Variants in TG observed in about 807,000 individuals in gnomAD.
The protein encoded by TG is thyroglobulin, also known as thyroid hormones.
In TG, 270 loss-of-function variants were observed where a neutral mutation model predicts 324.7. The observed-to-expected ratio is 0.83, with a 90% confidence interval of 0.75 to 0.92. The LOEUF (loss-of-function observed/expected upper bound fraction) is 0.92, where lower values mean the gene tolerates loss of function less well. Among genes scored for constraint, TG ranks in the 40% least tolerant of loss-of-function variants. TG has a pLI of 0.00. For missense variants in TG, 3,591 were observed against 3,456.4 expected, an observed-to-expected ratio of 1.04 and a Z score of -0.98; for synonymous variants, 1,401 against 1,327.0, an observed-to-expected ratio of 1.06 and a Z score of -1.21.
intron 41 of TG, among the ~76,000 whole-genome samples, chr8:133,093,722 C>T (rs577791938): frequency 1.6e-4 from 24 of 152,274 alleles, no homozygotes; most frequent in South Asian, 8.3e-4. Context: ...CAGAGATCAT[C>T]GTAACAACAG....
chr8:132,981,509 G>A (rs1830840776), intron 34 of TG, among the ~76,000 whole-genome samples: 1 of 152,220 alleles, frequency 6.6e-6, no homozygotes, highest in Non-Finnish European at 1.5e-5. Flanking sequence ...TTTTAAACAA[G>A]TGACAACAGG....
At chr8:133,067,384 C>T (rs1284280391) in intron 41 of TG, among the ~76,000 whole-genome samples, 1 of 152,176 alleles carries the variant, frequency 6.6e-6, no homozygotes, top group East Asian at 1.9e-4. Context: ...GCAAGACCTA[C>T]AAGGGCAGGC....
At chr8:133,110,085 A>G (rs1850138540) in intron 43 of TG, among the ~76,000 whole-genome samples, 1 of 152,122 alleles carries the variant, frequency 6.6e-6, no homozygotes, top group Non-Finnish European at 1.5e-5. Flanking sequence ...TAAGATTTGA[A>G]GGCAGATTAT....
intron 25 of TG, among the ~76,000 whole-genome samples, chr8:132,940,524 A>C (rs1824297959): frequency 6.6e-6 from 1 of 152,240 alleles, no homozygotes; most frequent in Non-Finnish European, 1.5e-5. Flanking sequence ...ATGCTAGAAC[A>C]GTTTTTAAAA....
At chr8:133,021,954 C>A (rs1450440930) in intron 39 of TG, 37 bp from the exon 40 acceptor site, 2 of 1,613,734 alleles carry the variant, frequency 1.2e-6, no homozygotes, top group Non-Finnish European at 1.7e-6. Context: ...AGGTGCCCTC[C>A]CCACACTTTA....
chr8:132,991,381 C>T lies in TG; in HGVS notation c.6262+7969C>T, dbSNP rs558515866. ...ACTACTATAGGCACTGGGCTGATGG[C>T]GTGTTAAAGGCACACAGGACTGATT... On this transcript the variant is annotated intron_variant, in intron 35 of 47. Transcript: ENST00000220616. Among the ~76,000 whole-genome samples the T allele has an allele frequency of 3.8e-4, 58 of 152,244 alleles. 1 individual carries two copies. The highest frequency in any genetic ancestry group is 1.2e-4 in the African/African-American group (5 of 41,542).
chr8:133,106,452 C>A (rs1018821993), intron 43 of TG: 22 of 985,248 alleles, frequency 2.2e-5, no homozygotes, highest in Non-Finnish European at 2.5e-5. Flanking sequence ...TCTCCCAGGT[C>A]CCGCCTGAAG....
At chr8:132,886,389 G>A (rs1815425240) in intron 8 of TG, 59 bp from the exon 9 acceptor site, 1 of 1,610,726 alleles carries the variant, frequency 6.2e-7, no homozygotes, top group South Asian at 1.1e-5. Flanking sequence ...CTGAGGAGCT[G>A]TCTCAGGATT....
intron 27 of TG, among the ~76,000 whole-genome samples, chr8:132,959,198 C>A (rs972970671): frequency 3.3e-5 from 5 of 152,300 alleles, no homozygotes; most frequent in Middle Eastern, 3.4e-3. Context: ...AGACTTGTCA[C>A]TTTGAGAGCC....
At chr8:133,119,224 C>T (rs7834124) in intron 45 of TG, among the ~76,000 whole-genome samples, 5,377 of 152,182 alleles carry the variant, frequency 0.035, 308 homozygotes, top group African/African-American at 0.12. Flanking sequence ...CTCTCATTTC[C>T]CCGGAGCACC....
chr8:132,871,522 G>C lies in TG; in HGVS notation c.449G>C (p.Gly150Ala). 6.2e-7 allele frequency: 1 copy of C among 1,613,998 alleles called. No individual in the cohort carries two copies. Among genetic ancestry groups the C allele is most frequent in the Non-Finnish European group, 8.5e-7 (1 of 1,179,900 alleles). Reference protein sequence around the residue: ...CVDAEGMEVYGTRQLGRPKRC... With the variant: ...CVDAEGMEVYATRQLGRPKRC... ...GACGCAGAGGGGATGGAGGTGTATG[G>C]GACCCGCCAGCTGGGGAGGCCAAAG... The change falls in exon 4 of 48, where the codon GGG (glycine) becomes GCG (alanine). Residue 150 changes from glycine (G) to alanine (A), a missense_variant. By Grantham distance (60) the Gly-to-Ala change is moderately conservative (BLOSUM62 0). Transcript: ENST00000220616.
rs755397945 is a variant in TG at position 132,908,167 on chromosome 8, C to G, written c.3848-19C>G. ...CTACAGGCCCATTGCCTCTGCTGAT[C>G]TCTGGTGCTTGCCTGCAGGGCCCCA... On this transcript the variant is annotated intron_variant, in intron 17 of 47. Coordinates refer to ENST00000220616, the MANE Select transcript of TG (RefSeq NM_003235.5). 6.2e-7 allele frequency: 1 copy of G among 1,613,540 alleles called. No homozygotes were observed. The highest frequency in any genetic ancestry group is 8.5e-7 in the Non-Finnish European group (1 of 1,179,984).
chr8:132,924,392 A>G (rs1200989045), intron 22 of TG, among the ~76,000 whole-genome samples: 1 of 152,112 alleles, frequency 6.6e-6, no homozygotes, highest in African/African-American at 2.4e-5. Flanking sequence ...TCTGTTGTAG[A>G]AGACTTGTGT....
At chr8:133,106,783 A>G (rs150029193) in intron 43 of TG, among the ~76,000 whole-genome samples, 2 of 152,222 alleles carry the variant, frequency 1.3e-5, no homozygotes, top group Admixed American at 6.5e-5. Flanking sequence ...GATGTGCTGT[A>G]TATTGTCAGC....
chr8:132,912,432 A>G (rs1020270232), intron 19 of TG, among the ~76,000 whole-genome samples: 11 of 151,942 alleles, frequency 7.2e-5, no homozygotes, highest in African/African-American at 2.7e-4. Context: ...TACAGCCAAA[A>G]TGTTTGCTAT....
intron 21 of TG, among the ~76,000 whole-genome samples, chr8:132,922,346 G>A (rs750693145): frequency 1.1e-4 from 17 of 152,222 alleles, no homozygotes; most frequent in Non-Finnish European, 2.5e-4. Context: ...ATTTTGGACA[G>A]AAGCTTGTTT....
chr8:132,935,671 A>G, intron 24 of TG, 85 bp from the exon 25 acceptor site: 1 of 1,220,772 alleles, frequency 8.2e-7, no homozygotes, highest in Non-Finnish European at 1.2e-6. Flanking sequence ...CCTGGTGCCT[A>G]GCCATGGTTA....
At chr8:132,911,261 G>A (rs1819483490) in intron 18 of TG, 116 bp from the exon 19 acceptor site, 25 of 1,582,584 alleles carry the variant, frequency 1.6e-5, no homozygotes, top group Non-Finnish European at 2.2e-5. Context: ...CCTGAAGTAG[G>A]GTTGGTGGAG....
Position 133,011,911 on chromosome 8 carries a change from C to T in TG, c.6273C>T (p.Asp2091=). The change falls in exon 36 of 48, where the codon GAC becomes GAT. Residue 2091 remains aspartate (D), a synonymous_variant. Transcript: ENST00000220616. The part of the protein sequence containing the change: ...LPSLTEKVSL[D]SWQSLALSSV... The stretch of plus-strand genomic sequence containing the variant: ...TGCCTTCTCTCCTAGTGTCTCTGGA[C>T]TCGTGGCAGTCCCTGGCCCTCTCTT... The T allele has an allele frequency of 6.2e-7, 1 of 1,614,192 alleles. No individual in the cohort carries two copies.
Sources: gnomAD v4.1 joint callset for allele counts (sites outside exome capture counted in the v4.1 genomes callset) on GRCh38, gnomAD v4.1.1 for gene constraint, MANE v1.5 for transcripts, NCBI Gene and HGNC (gene_info 2026-07-23, HGNC 2026-07-21) for gene names.